The following DAPK1 variants were observed in gnomAD, a reference collection of about 807,000 sequenced individuals.
The protein encoded by DAPK1 is death associated protein kinase 1, also known as death-associated protein kinase 1.
Under a neutral mutation model 144.9 loss-of-function variants are expected in DAPK1, and 56 were observed. That is an observed-to-expected ratio of 0.39 (90% CI 0.31 to 0.48). DAPK1 has a LOEUF of 0.48. Among genes scored for constraint, DAPK1 ranks in the 20% least tolerant of loss-of-function variants. DAPK1 has a pLI of 0.95. For missense variants in DAPK1, 1,454 were observed against 1,875.4 expected, an observed-to-expected ratio of 0.78 and a Z score of 4.15; for synonymous variants, 690 against 749.0, an observed-to-expected ratio of 0.92 and a Z score of 1.29.
chr9:87,640,006 T>G (rs1483729244), intron 7 of DAPK1, among the ~76,000 whole-genome samples, 191 bp downstream of exon 7: 1 of 152,200 alleles, frequency 6.6e-6, no homozygotes, highest in East Asian at 1.9e-4. Flanking sequence ...AAATGAGTCA[T>G]CAGAAACTGT....
intron 2 of DAPK1, among the ~76,000 whole-genome samples, chr9:87,528,269 GTGCAA>G (rs1825583595): frequency 6.6e-6 from 1 of 150,398 alleles, no homozygotes; most frequent in Non-Finnish European, 1.5e-5. Flanking sequence ...CCAGGCTGGA[GTGCAA>G]TGGTGATGTC....
intron 24 of DAPK1, 32 bp from the exon 25 acceptor site, chr9:87,702,997 T>C: frequency 9.1e-7 from 1 of 1,101,132 alleles, no homozygotes; most frequent in Non-Finnish European, 1.4e-6. Flanking sequence ...CAGCTGCAGG[T>C]GAGTTAACCT....
At chr9:87,632,226 G>A (rs759156966) in intron 3 of DAPK1, 54 of 976,776 alleles carry the variant, frequency 5.5e-5, no homozygotes, top group Non-Finnish European at 6.2e-5. Flanking sequence ...TAGGGATAAA[G>A]GAGGATCGGT....
rs1831132825 is a variant in DAPK1 at position 87,668,418 on chromosome 9, A to G, written c.1924-179A>G. 4.8e-6 allele frequency: 3 copies of G among 624,830 alleles called. No homozygotes were observed. In the Admixed American group the frequency reaches 8.2e-5, roughly 17 times the overall value. 38.7% of individuals were successfully genotyped at this position (624,830 alleles called of 1,614,324 possible). The stretch of plus-strand genomic sequence containing the variant: ...GCGTCTTACCTTCCTGTCCTGGACA[A>G]TCAAGTGAAATAAGGATTGCACAGC... On this transcript the variant is annotated intron_variant, in intron 18 of 25. Transcript: ENST00000408954.
At chr9:87,545,246 G>A (rs573968669) in intron 2 of DAPK1, among the ~76,000 whole-genome samples, 1 of 152,324 alleles carries the variant, frequency 6.6e-6, no homozygotes, top group East Asian at 1.9e-4. Flanking sequence ...AGGCTCCCGG[G>A]TGCAGGGTTA....
intron 11 of DAPK1, 116 bp from the exon 12 acceptor site, chr9:87,645,778 TG>T: frequency 7.5e-7 from 1 of 1,340,704 alleles, no homozygotes; most frequent in South Asian, 1.4e-5. Context: ...GGGGAGTAAA[TG>T]GCTTACTTTC....
chr9:87,567,291 G>A (rs1054944508), intron 2 of DAPK1, among the ~76,000 whole-genome samples: 14 of 152,046 alleles, frequency 9.2e-5, no homozygotes, highest in Admixed American at 2.6e-4. Flanking sequence ...CTGTCTCCTC[G>A]ACTCAGCTGA....
chr9:87,502,553 C>G (rs1587663091), intron 2 of DAPK1, among the ~76,000 whole-genome samples: 1 of 152,186 alleles, frequency 6.6e-6, no homozygotes, highest in East Asian at 1.9e-4. Flanking sequence ...CGTCGTTCAG[C>G]CTAACCTGTG....
intron 2 of DAPK1, among the ~76,000 whole-genome samples, chr9:87,534,353 G>A (rs1221012575): frequency 6.6e-6 from 1 of 151,554 alleles, no homozygotes; most frequent in East Asian, 1.9e-4. Flanking sequence ...TGCTCTCAAG[G>A]GCAGGGGTAC....
chr9:87,555,404 G>A (rs1826671861), intron 2 of DAPK1, among the ~76,000 whole-genome samples: 2 of 152,062 alleles, frequency 1.3e-5, no homozygotes, highest in African/African-American at 4.8e-5. Context: ...GACACCCTGG[G>A]GCTATCTGAT....
At chr9:87,646,394 T>G (rs1036480336) in intron 12 of DAPK1, 67 bp from the exon 13 acceptor site, 2 of 1,163,780 alleles carry the variant, frequency 1.7e-6, no homozygotes, top group Middle Eastern at 1.9e-4. Flanking sequence ...GTAACAGCAA[T>G]CATCGTTTGG....
chr9:87,584,664 T>TTGTGTGTGTGTGTG lies in DAPK1; in HGVS notation c.63-20276_63-20263dup, dbSNP rs113125719. 1.7e-3 allele frequency among the ~76,000 whole-genome samples: 232 copies of TTGTGTGTGTGTGTG among 140,496 alleles called. 1 individual carries two copies. Among genetic ancestry groups the TTGTGTGTGTGTGTG allele is most frequent in the African/African-American group, 5.6e-3 (225 of 40,420 alleles). The allele number at this position is 140,496 out of a possible 152,430, so 92.2% of individuals were successfully genotyped here. A position where few individuals can be genotyped will look rare whatever the true frequency, so the allele number is the denominator to read the frequency against. ...CTAACAAGTGAGAAATGATAGCTCATTGTGTGTGTGTGTGTGTGTGTGTGT... is the reference window on the plus strand; with the variant it reads ...CTAACAAGTGAGAAATGATAGCTCATTGTGTGTGTGTGTGTGTGTGTGTGTGTGTGTGTGTGTGT... On this transcript the variant is annotated intron_variant, in intron 2 of 25. Transcript: ENST00000408954.
intron 3 of DAPK1, among the ~76,000 whole-genome samples, chr9:87,606,461 C>T (rs1043255105): frequency 6.9e-6 from 1 of 145,982 alleles, no homozygotes; most frequent in African/African-American, 2.5e-5. Context: ...CCCTTCCTTC[C>T]TCTCTCTCTT....
chr9:87,586,177 A>G (rs1827936630), intron 2 of DAPK1, among the ~76,000 whole-genome samples: 2 of 152,202 alleles, frequency 1.3e-5, no homozygotes, highest in Admixed American at 6.5e-5. Context: ...AATCCCAGCT[A>G]CTTGGGAGGC....
intron 2 of DAPK1, among the ~76,000 whole-genome samples, chr9:87,587,847 C>A (rs1827991220): frequency 6.6e-6 from 1 of 152,220 alleles, no homozygotes; most frequent in South Asian, 2.1e-4. Context: ...CTCTTATTTT[C>A]CCCAATAGAA....
chr9:87,706,758 G>A lies in DAPK1; in HGVS notation c.3687G>A (p.Gly1229=), dbSNP rs376368602. ...IENVMATTLP[G]LLTVKHYLSP... is the part of the protein sequence containing the mutation. The stretch of plus-strand genomic sequence containing the variant: ...ACGTCATGGCCACCACGCTGCCAGG[G>A]CTCCTGACCGTGAAGCATTACCTGA... Residue 1229 remains glycine, a synonymous_variant, in exon 26 of 26, where the codon GGG becomes GGA. Coordinates refer to ENST00000408954, the MANE Select transcript of DAPK1 (RefSeq NM_004938.4). The surrounding 1 kb of genome is among the most constrained non-coding windows in gnomAD (Gnocchi z 9.0). The A allele has an allele frequency of 6.2e-7, 1 of 1,613,454 alleles. No homozygotes were observed. Among genetic ancestry groups the A allele is most frequent in the Admixed American group, 1.7e-5 (1 of 60,016 alleles).
intron 2 of DAPK1, among the ~76,000 whole-genome samples, chr9:87,519,610 G>A (rs1825216977): frequency 1.3e-5 from 2 of 152,144 alleles, no homozygotes; most frequent in South Asian, 4.1e-4. Context: ...CTGCCAATTG[G>A]GGAGTGTCCT....
At chr9:87,634,595 C>T (rs1337721342) in intron 3 of DAPK1, among the ~76,000 whole-genome samples, 2 of 152,182 alleles carry the variant, frequency 1.3e-5, no homozygotes, top group Non-Finnish European at 2.9e-5. Context: ...CAGATGCCGC[C>T]CACTGCCTGA....
chr9:87,670,331 G>C (rs936009340), intron 19 of DAPK1, among the ~76,000 whole-genome samples: 3 of 152,230 alleles, frequency 2.0e-5, no homozygotes, highest in African/African-American at 7.2e-5. Flanking sequence ...CCTCTAGGCT[G>C]GTGTACATCC....
Sources: gnomAD v4.1 joint callset for allele counts (sites outside exome capture counted in the v4.1 genomes callset) on GRCh38, gnomAD v4.1.1 for gene constraint, Gnocchi (gnomAD v3.1) non-coding constraint, MANE v1.5 for transcripts, NCBI Gene and HGNC (gene_info 2026-07-23, HGNC 2026-07-21) for gene names.